Variants in STK3 observed in about 807,000 individuals in gnomAD.
STK3 encodes serine/threonine-protein kinase 3.
A neutral mutation model predicts 58.0 loss-of-function variants in STK3; 41 were observed. The observed-to-expected ratio is 0.71, with a 90% CI of 0.55 to 0.92. The LOEUF is 0.92. Among genes scored for constraint, STK3 ranks in the 40% least tolerant of loss-of-function variants. The probability of loss-of-function intolerance (pLI) is 0.00; values close to 1 mark genes in which losing one functional copy is unlikely to be tolerated. For missense variants in STK3, 479 were observed against 602.7 expected (o/e 0.79, Z 2.15); for synonymous variants, 170 against 191.0 (o/e 0.89, Z 0.91).
intron 1 of STK3, among the ~76,000 whole-genome samples, chr8:98,903,556 C>CTTCTTCTTCTTCTTCCTCTTCTTCTT (rs200556218): frequency 1.4e-4 from 7 of 50,502 alleles, no homozygotes; most frequent in African/African-American, 4.8e-4. Context: ...TCTTCTTCTT[C>CTTCTTCTTCTTCTTCCTCTTCTTCTT]CTTTTTTTTT....
intron 3 of STK3, among the ~76,000 whole-genome samples, chr8:98,402,806 A>G (rs1349332915): frequency 6.6e-6 from 1 of 152,072 alleles, no homozygotes; most frequent in East Asian, 1.9e-4. Flanking sequence ...AGCCTGCAGT[A>G]TGTTCTCTGT....
chr8:98,401,994 C>T (rs539997158), intron 3 of STK3, among the ~76,000 whole-genome samples: 43 of 152,310 alleles, frequency 2.8e-4, no homozygotes, highest in South Asian at 1.5e-3. Flanking sequence ...TCCCACTACA[C>T]GGTGATAACC....
intron 10 of STK3, among the ~76,000 whole-genome samples, chr8:98,525,036 C>G (rs188288206): frequency 6.6e-6 from 1 of 152,232 alleles, no homozygotes; most frequent in African/African-American, 2.4e-5. Flanking sequence ...CTTTGTAGCT[C>G]ATTTCAAAGT....
At chr8:98,820,740 G>A (rs1414491570) in intron 1 of STK3, among the ~76,000 whole-genome samples, 1 of 152,180 alleles carries the variant, frequency 6.6e-6, no homozygotes, top group Non-Finnish European at 1.5e-5. Flanking sequence ...CACTTTGGGA[G>A]GCCAAGGCGG....
chr8:98,922,320 T>G (rs1839596886), intron 1 of STK3, among the ~76,000 whole-genome samples: 2 of 152,176 alleles, frequency 1.3e-5, no homozygotes, highest in African/African-American at 4.8e-5. Context: ...AATAAAAATA[T>G]TCTGGGTTAT....
rs190229818 is a variant in STK3, at chr8:98,716,965, C to T, written c.352-9654G>A. On this transcript the variant is annotated intron_variant, in intron 4 of 10. Transcript: ENST00000419617. Reference sequence around the variant, plus strand: ...AACAGTGCTGGCACAACTGGATATCCGTGTGCTAAAGAATAAGTAGAATCC... The same window carrying T: ...AACAGTGCTGGCACAACTGGATATCTGTGTGCTAAAGAATAAGTAGAATCC... Among the ~76,000 whole-genome samples the T allele has an allele frequency of 1.2e-3, 190 of 152,068 alleles. 2 individuals are homozygous for T. Among genetic ancestry groups the T allele is most frequent in the Non-Finnish European group, 1.9e-3 (126 of 67,948 alleles).
intron 1 of STK3, among the ~76,000 whole-genome samples, chr8:98,814,583 T>G (rs1211042563): frequency 6.6e-6 from 1 of 152,164 alleles, no homozygotes; most frequent in Non-Finnish European, 1.5e-5. Flanking sequence ...CACAGCCTGC[T>G]GCAGCCACAA....
intron 4 of STK3, among the ~76,000 whole-genome samples, chr8:98,738,450 G>C (rs1323965359): frequency 6.6e-6 from 1 of 151,464 alleles, no homozygotes; most frequent in Non-Finnish European, 1.5e-5. Flanking sequence ...TCCAGCCTGG[G>C]GAACAAGAAC....
Position 98,555,770 on chromosome 8 carries a change from T to A in STK3, c.949-7609A>T, listed in dbSNP as rs540275191. On this transcript the variant is annotated intron_variant, in intron 8 of 10. Transcript: ENST00000419617. ...TGCTAATTAAACAGCAAACAATAAA[T>A]GTAACAAACATACTACAAATACATA... 8.5e-5 allele frequency among the ~76,000 whole-genome samples: 13 copies of A among 152,162 alleles called. No individual in the cohort carries two copies. The South Asian group carries it at 2.7e-3, about 32-fold the overall frequency.
intron 1 of STK3, among the ~76,000 whole-genome samples, chr8:98,792,894 G>GCA (rs1554678142): frequency 2.3e-3 from 205 of 89,686 alleles, no homozygotes; most frequent in Non-Finnish European, 3.7e-3. Flanking sequence ...TAAAGAGACT[G>GCA]TATGTGTGTG....
intron 6 of STK3, among the ~76,000 whole-genome samples, chr8:98,651,176 G>A (rs1004276303): frequency 1.8e-4 from 28 of 152,128 alleles, no homozygotes; most frequent in Admixed American, 1.4e-3. Flanking sequence ...AGCAGCATTC[G>A]CGGTCACGAA....
intron 3 of STK3, among the ~76,000 whole-genome samples, chr8:98,863,653 A>T (rs912596727): frequency 2.0e-5 from 3 of 152,242 alleles, no homozygotes; most frequent in Admixed American, 1.3e-4. Context: ...AAATGAAAAC[A>T]ACCCATTACC....
At chr8:98,714,454 G>A (rs976096556) in intron 4 of STK3, among the ~76,000 whole-genome samples, 25 of 152,154 alleles carry the variant, frequency 1.6e-4, no homozygotes, top group African/African-American at 5.8e-4. Context: ...CAAAGTCAAT[G>A]TGCAAAAATC....
upstream of STK3, among the ~76,000 whole-genome samples, chr8:98,392,152 C>T (rs1817854535): frequency 6.6e-6 from 1 of 152,094 alleles, no homozygotes; most frequent in South Asian, 2.1e-4. Flanking sequence ...CTTCCCACGC[C>T]TTTTATTACT....
At chr8:98,473,502 A>G (rs1394702417) in intron 10 of STK3, among the ~76,000 whole-genome samples, 2 of 152,160 alleles carry the variant, frequency 1.3e-5, no homozygotes, top group Non-Finnish European at 2.9e-5. Flanking sequence ...CTTCTCCTTT[A>G]GAAAGTCAAA....
At chr8:98,709,917 G>A (rs1826262278) in intron 4 of STK3, among the ~76,000 whole-genome samples, 2 of 130,638 alleles carry the variant, frequency 1.5e-5, no homozygotes, top group African/African-American at 7.3e-5. Flanking sequence ...AGTAATCGCA[G>A]TTTTTGCCAT....
At chr8:98,828,159 AG>A (rs1835382144), upstream of STK3, among the ~76,000 whole-genome samples, 1 of 151,946 alleles carries the variant, frequency 6.6e-6, no homozygotes. Context: ...TGTTTTTAGT[AG>A]AGACAGGGTT....
At chr8:98,388,745 G>A (rs1021067145), upstream of STK3, among the ~76,000 whole-genome samples, 3 of 152,120 alleles carry the variant, frequency 2.0e-5, no homozygotes, top group Non-Finnish European at 2.9e-5. Context: ...TGAGTCAAAC[G>A]TCAAAAAATT....
intron 3 of STK3, among the ~76,000 whole-genome samples, chr8:98,853,634 T>G (rs776438911): frequency 1.3e-5 from 2 of 152,228 alleles, no homozygotes; most frequent in Non-Finnish European, 2.9e-5. Context: ...GTCTTGCATC[T>G]AGCCACACTC....
Sources: allele counts gnomAD v4.1 joint callset (sites outside exome capture counted in the v4.1 genomes callset), GRCh38; gene constraint gnomAD v4.1.1; transcripts MANE v1.5; gene names NCBI Gene and HGNC (gene_info 2026-07-23, HGNC 2026-07-21).